The following CCDC144A variants were observed in gnomAD, a reference collection of about 807,000 sequenced individuals.
The protein encoded by CCDC144A is coiled-coil domain-containing protein 144A.
In CCDC144A, 41 loss-of-function variants were observed where a neutral mutation model predicts 143.8. That is an observed-to-expected ratio of 0.29 (90% CI 0.22 to 0.37). The LOEUF is 0.37. Among genes scored for constraint, CCDC144A ranks in the 10% least tolerant of loss-of-function variants. The pLI, the probability that CCDC144A is intolerant of heterozygous loss-of-function variation, is 1.00. For missense variants in CCDC144A, 637 were observed against 1,488.8 expected (o/e 0.43, Z 9.41); for synonymous variants, 242 against 517.9 (o/e 0.47, Z 7.23).
At chr17:16,704,196 G>A (rs1421622062) in intron 2 of CCDC144A, among the ~76,000 whole-genome samples, 1 of 152,162 alleles carries the variant, frequency 6.6e-6, no homozygotes, top group Non-Finnish European at 1.5e-5. Context: ...GCTCACGCCT[G>A]TAAATCCCAG....
At position 16,741,621 on chromosome 17, in the gene CCDC144A, A is replaced by AT. The variant is rs376386898; in HGVS notation, c.3372+5987dup. Among the ~76,000 whole-genome samples the AT allele has an allele frequency of 3.6e-3, 546 of 151,258 alleles. 5 individuals are homozygous for AT. The highest frequency in any genetic ancestry group is 0.013 in the African/African-American group (517 of 41,222). ...ATTTTGCTTTTATTTTTATTGATGT[A>AT]TTTTTTTTTAGACATGGTGTCTTAT... On this transcript the variant is annotated intron_variant, in intron 12 of 16. Coordinates refer to ENST00000399273, the MANE Select transcript of CCDC144A (RefSeq NM_001382000.1).
At chr17:16,667,344 AGGAGCTGAGGGGCTGAGGC>A in the CCDC144A span, among the ~76,000 whole-genome samples, 1 of 128,458 alleles carries the variant, frequency 7.8e-6, no homozygotes, top group African/African-American at 3.5e-5. Context: ...GAGGCGGCTG[AGGAGCTGAGGGGCTGAGGC>A]GGCTGAGGGG....
Position 16,692,713 on chromosome 17 carries a change from T to G in CCDC144A, c.345-266T>G, listed in dbSNP as rs180905572. On this transcript the variant is annotated intron_variant, in intron 1 of 16. Coordinates refer to ENST00000399273, the MANE Select transcript of CCDC144A (RefSeq NM_001382000.1). ...TCAGAGAATAAATAGCTGCTGGTAATAGAGCTAGGACGCTTTCCATTATGC... is the reference window on the plus strand; with the variant it reads ...TCAGAGAATAAATAGCTGCTGGTAAGAGAGCTAGGACGCTTTCCATTATGC... Among the ~76,000 whole-genome samples the G allele has an allele frequency of 1.3e-4, 19 of 151,886 alleles. No homozygotes were observed. The East Asian group carries it at 3.7e-3, about 29-fold the overall frequency.
chr17:16,773,460 A>G, intron 16 of CCDC144A, 37 bp from the exon 17 acceptor site: 1 of 1,520,498 alleles, frequency 6.6e-7, no homozygotes. Flanking sequence ...AATAATAACA[A>G]TAATAATAAT....
At chr17:16,767,254 C>G (rs1915640583) in intron 15 of CCDC144A, 1 of 145,028 alleles carries the variant, frequency 6.9e-6, no homozygotes, top group Admixed American at 7.2e-5. Context: ...AAGATTGTGC[C>G]ACTGCACTGC....
intron 12 of CCDC144A, chr17:16,745,598 G>A (rs1427818122): frequency 1.1e-5 from 17 of 1,548,270 alleles, no homozygotes; most frequent in Middle Eastern, 2.1e-4. Context: ...GGATGCCCTC[G>A]CTCGTCCATG....
the CCDC144A span, among the ~76,000 whole-genome samples, chr17:16,667,320 A>C: frequency 5.2e-4 from 53 of 102,104 alleles, no homozygotes; most frequent in East Asian, 8.2e-3. Flanking sequence ...GGGGCTGAGG[A>C]GGCTGAGGAG....
chr17:16,743,989 T>C (rs1914376205), intron 12 of CCDC144A, among the ~76,000 whole-genome samples: 1 of 152,244 alleles, frequency 6.6e-6, no homozygotes, highest in African/African-American at 2.4e-5. Flanking sequence ...TCCAGCTGCA[T>C]CCATGTTGCT....
chr17:16,684,636 G>A (rs989861514), upstream of CCDC144A, among the ~76,000 whole-genome samples: 20 of 148,428 alleles, frequency 1.3e-4, no homozygotes, highest in Non-Finnish European at 3.0e-5. Context: ...CCTGAGCAAC[G>A]ATATGAGACT....
upstream of CCDC144A, among the ~76,000 whole-genome samples, chr17:16,685,429 G>C (rs572614984): frequency 6.6e-6 from 1 of 152,188 alleles, no homozygotes; most frequent in East Asian, 1.9e-4. Context: ...ACCCAGACTG[G>C]AGTGCAAATG....
intron 11 of CCDC144A, among the ~76,000 whole-genome samples, chr17:16,733,792 G>A (rs1213817012): frequency 6.6e-6 from 1 of 151,964 alleles, no homozygotes; most frequent in African/African-American, 2.4e-5. Context: ...CATATTTTTT[G>A]ACCTCTCCTT....
At chr17:16,686,653 T>C (rs550475149), upstream of CCDC144A, among the ~76,000 whole-genome samples, 12 of 151,148 alleles carry the variant, frequency 7.9e-5, no homozygotes, top group East Asian at 2.1e-3. Flanking sequence ...CAAAAAAAAA[T>C]TGTTTTTTTT....
chr17:16,764,557 G>A (rs2649382), intron 15 of CCDC144A: 11 of 275,138 alleles, frequency 4.0e-5, no homozygotes, highest in South Asian at 1.0e-4. Context: ...GTTTTTCTGC[G>A]TCATCTCAGG....
At chr17:16,761,331 C>A (rs1203438640) in intron 12 of CCDC144A, 94 bp from the exon 13 acceptor site, 6 of 1,311,522 alleles carry the variant, frequency 4.6e-6, no homozygotes, top group Non-Finnish European at 6.1e-6. Flanking sequence ...GAGACTCCAT[C>A]TCAAAAAAAA....
chr17:16,668,048 C>T, the CCDC144A span, among the ~76,000 whole-genome samples: 173 of 148,226 alleles, frequency 1.2e-3, 6 homozygotes, highest in African/African-American at 4.1e-3. Flanking sequence ...AAAAATGTCT[C>T]GTATATCTCT....
At chr17:16,721,971 G>T (rs1056784380) in intron 8 of CCDC144A, among the ~76,000 whole-genome samples, 1 of 152,160 alleles carries the variant, frequency 6.6e-6, no homozygotes, top group Non-Finnish European at 1.5e-5. Flanking sequence ...TGGCTTCAGT[G>T]CAATGCTGAC....
At chr17:16,683,535 G>C in the CCDC144A span, 1 of 1,562,138 alleles carries the variant, frequency 6.4e-7, no homozygotes, top group Non-Finnish European at 8.8e-7. Flanking sequence ...GAGGAGGGGC[G>C]GCAAGTCCGC....
the CCDC144A span, chr17:16,683,697 C>A: frequency 1.9e-6 from 3 of 1,597,572 alleles, no homozygotes; most frequent in East Asian, 2.2e-5. Flanking sequence ...TCAACATGGA[C>A]AAGAATCGGA....
intron 12 of CCDC144A, among the ~76,000 whole-genome samples, chr17:16,742,498 T>C (rs906784129): frequency 9.2e-5 from 14 of 152,142 alleles, no homozygotes; most frequent in Admixed American, 5.9e-4. Flanking sequence ...TGTATCTTGG[T>C]TGTTGTGAAT....
Sources: gnomAD v4.1 joint callset for allele counts (sites outside exome capture counted in the v4.1 genomes callset) on GRCh38, gnomAD v4.1.1 for gene constraint, MANE v1.5 for transcripts, NCBI Gene and HGNC (gene_info 2026-07-23, HGNC 2026-07-21) for gene names.